KIF16B: variants seen among roughly 807,000 people sequenced by gnomAD.
KIF16B encodes the protein kinesin-like protein KIF16B.
KIF16B carries 98 observed loss-of-function variants against 156.3 expected under a neutral mutation model. The observed-to-expected ratio is 0.63, with a 90% CI of 0.53 to 0.74. KIF16B has a LOEUF of 0.74. Among genes scored for constraint, KIF16B ranks in the 30% least tolerant of loss-of-function variants. The pLI, the probability that KIF16B is intolerant of heterozygous loss-of-function variation, is 0.00. For synonymous variants in KIF16B, 564 were observed against 583.7 expected, an observed-to-expected ratio of 0.97 and a Z score of 0.49; for missense variants, 1,421 against 1,606.5, an observed-to-expected ratio of 0.88 and a Z score of 1.97.
intron 25 of KIF16B, among the ~76,000 whole-genome samples, chr20:16,275,862 G>C (rs190604474): frequency 3.9e-5 from 6 of 152,348 alleles, no homozygotes; most frequent in Non-Finnish European, 2.9e-5. Flanking sequence ...AGGGTCACCA[G>C]TATATATCGT....
At chr20:16,427,352 C>A in intron 14 of KIF16B, 111 bp from the exon 15 acceptor site, 1 of 1,045,688 alleles carries the variant, frequency 9.6e-7, no homozygotes, top group African/African-American at 1.6e-5. Context: ...TCTTCCTTTT[C>A]CACATAAGTA....
intron 12 of KIF16B, among the ~76,000 whole-genome samples, chr20:16,489,098 C>T (rs1410502877): frequency 2.6e-5 from 4 of 152,182 alleles, no homozygotes; most frequent in South Asian, 4.1e-4. Flanking sequence ...ACAGCAGAGA[C>T]CAGCATCACC....
chr20:16,279,326 C>T (rs898234286), intron 25 of KIF16B, among the ~76,000 whole-genome samples: 2 of 152,170 alleles, frequency 1.3e-5, no homozygotes, highest in African/African-American at 4.8e-5. Context: ...ACACCTCTTC[C>T]AGATTGTGTA....
intron 1 of KIF16B, among the ~76,000 whole-genome samples, chr20:16,531,775 CA>C (rs2069759091): frequency 1.3e-5 from 2 of 152,052 alleles, no homozygotes; most frequent in South Asian, 4.1e-4. Context: ...ACATATCAAC[CA>C]ACTGGATCCC....
chr20:16,532,068 CAA>C (rs34843252), intron 1 of KIF16B, among the ~76,000 whole-genome samples: 71 of 99,278 alleles, frequency 7.2e-4, no homozygotes, highest in Admixed American at 1.1e-3. Flanking sequence ...AACTCCGTCT[CAA>C]AAAAAAAAAA....
intron 5 of KIF16B, 102 bp from the exon 6 acceptor site, chr20:16,511,629 C>T: frequency 1.5e-6 from 1 of 660,524 alleles, no homozygotes; most frequent in Non-Finnish European, 2.6e-6. Flanking sequence ...ATGGCCACAG[C>T]AGCAGTTACC....
At chr20:16,468,374 C>T (rs545897910) in intron 12 of KIF16B, among the ~76,000 whole-genome samples, 35 of 151,900 alleles carry the variant, frequency 2.3e-4, no homozygotes, top group African/African-American at 5.8e-4. Context: ...GAGTTCGAGA[C>T]CAGCCTGGCC....
chr20:16,410,074 CATATATATATATGTAGGTACAT>C (rs2065899471), intron 15 of KIF16B, among the ~76,000 whole-genome samples: 13 of 54,770 alleles, frequency 2.4e-4, no homozygotes, highest in African/African-American at 6.0e-4. Context: ...TATGTAGGTA[CATATATATATATGTAGGTACAT>C]ATATATATAT....
chr20:16,494,497 A>T, intron 11 of KIF16B, 147 bp from the exon 12 acceptor site: 1 of 567,940 alleles, frequency 1.8e-6, no homozygotes, highest in Non-Finnish European at 3.1e-6. Flanking sequence ...AACCATCACC[A>T]AAGATAAATC....
chr20:16,380,256 A>T, intron 18 of KIF16B, 93 bp from the exon 19 acceptor site: 1 of 1,141,098 alleles, frequency 8.8e-7, no homozygotes, highest in Non-Finnish European at 1.2e-6. Flanking sequence ...ACATACAACC[A>T]GGTCAAAGCC....
rs1375586153 is a variant in KIF16B at position 16,371,986 on chromosome 20, G to A, written c.3351-225C>T. On this transcript the variant is annotated intron_variant, in intron 20 of 25. Transcript: ENST00000354981. ...ATGAGGTAGAACTGAACAAGTAATA[G>A]AATATTGGGAATGGAAAGGAGACTA... 3.3e-5 allele frequency among the ~76,000 whole-genome samples: 5 copies of A among 152,234 alleles called. No homozygotes were observed. In the East Asian group the frequency reaches 9.6e-4, roughly 29 times the overall value.
chr20:16,465,494 T>C (rs528493409), intron 12 of KIF16B, among the ~76,000 whole-genome samples: 1 of 152,314 alleles, frequency 6.6e-6, no homozygotes, highest in Non-Finnish European at 1.5e-5. Context: ...CTTATTTCAA[T>C]TCATTTTAGC....
At chr20:16,354,188 T>C (rs1388697925) in intron 23 of KIF16B, among the ~76,000 whole-genome samples, 1 of 152,236 alleles carries the variant, frequency 6.6e-6, no homozygotes, top group Non-Finnish European at 1.5e-5. Flanking sequence ...ATCAATGCAG[T>C]TTTTAAAATA....
intron 24 of KIF16B, among the ~76,000 whole-genome samples, 176 bp downstream of exon 24, chr20:16,335,750 A>G (rs2064024315): frequency 6.6e-6 from 1 of 152,196 alleles, no homozygotes; most frequent in South Asian, 2.1e-4. Flanking sequence ...GGAACAAAGA[A>G]GAAAAAATTT....
At chr20:16,406,499 C>A (rs1240691001) in intron 15 of KIF16B, 43 bp from the exon 16 acceptor site, 2 of 1,541,398 alleles carry the variant, frequency 1.3e-6, no homozygotes, top group South Asian at 1.1e-5. Context: ...AGTAAGCAGT[C>A]TGGTCAGTTG....
At chr20:16,535,538 T>C (rs1403033897) in intron 1 of KIF16B, among the ~76,000 whole-genome samples, 1 of 152,158 alleles carries the variant, frequency 6.6e-6, no homozygotes, top group Non-Finnish European at 1.5e-5. Context: ...TCAATATGAG[T>C]GGTAAAAGTG....
At chr20:16,432,736 C>G (rs1476540860) in intron 12 of KIF16B, among the ~76,000 whole-genome samples, 1 of 151,514 alleles carries the variant, frequency 6.6e-6, no homozygotes, top group East Asian at 1.9e-4. Flanking sequence ...AATGAAGTAA[C>G]AACAACAACA....
chr20:16,320,554 G>T (rs2063758819), intron 24 of KIF16B, among the ~76,000 whole-genome samples: 1 of 152,158 alleles, frequency 6.6e-6, no homozygotes, highest in African/African-American at 2.4e-5. Flanking sequence ...ACAGAGCGGA[G>T]AAAATAACAA....
chr20:16,488,265 C>CA (rs2068183156), intron 12 of KIF16B, among the ~76,000 whole-genome samples: 1 of 152,262 alleles, frequency 6.6e-6, no homozygotes, highest in Non-Finnish European at 1.5e-5. Context: ...GACAGACACT[C>CA]ACAGAGGCAG....
Sources: gnomAD v4.1 joint callset for allele counts (sites outside exome capture counted in the v4.1 genomes callset) on GRCh38, gnomAD v4.1.1 for gene constraint, MANE v1.5 for transcripts, NCBI Gene and HGNC (gene_info 2026-07-23, HGNC 2026-07-21) for gene names.